Variants in CHD1L observed in about 807,000 individuals in gnomAD.
CHD1L encodes the protein ATP-dependent chromatin remodeler CHD1L.
CHD1L carries 118 observed loss-of-function variants against 115.9 expected under a neutral mutation model. The ratio of observed to expected loss-of-function variants is 1.02; its 90% confidence interval spans 0.88 to 1.19. The LOEUF (loss-of-function observed/expected upper bound fraction) is 1.19, where lower values mean the gene tolerates loss of function less well. CHD1L is among the 50% of genes most tolerant of loss of function. CHD1L has a pLI of 0.00. For missense variants in CHD1L, 1,179 were observed against 1,065.3 expected (o/e 1.11, Z -1.49); for synonymous variants, 411 against 387.1 (o/e 1.06, Z -0.72).
chr1:147,243,091 T>A, intron 1 of CHD1L: 1 of 314,510 alleles, frequency 3.2e-6, no homozygotes, highest in Non-Finnish European at 5.7e-6. Context: ...CCCTGGCCTG[T>A]GGAGGGGAAA....
At chr1:147,241,486 C>A (rs587661232), upstream of CHD1L, among the ~76,000 whole-genome samples, 1 of 152,284 alleles carries the variant, frequency 6.6e-6, no homozygotes, top group South Asian at 2.1e-4. Context: ...CCACCCCTAT[C>A]TCCCTTCGCT....
At chr1:147,240,307 T>C (rs1664738415), upstream of CHD1L, among the ~76,000 whole-genome samples, 1 of 152,224 alleles carries the variant, frequency 6.6e-6, no homozygotes, top group African/African-American at 2.4e-5. Context: ...CAGGATGTGC[T>C]TTGTTAAACA....
At chr1:147,225,266 T>A in the CHD1L span, 1 of 1,116,298 alleles carries the variant, frequency 9.0e-7, no homozygotes, top group Non-Finnish European at 1.2e-6. Context: ...GAGAGTGCTC[T>A]GCTGCGGTAC....
the CHD1L span, among the ~76,000 whole-genome samples, chr1:147,183,221 T>G: frequency 2.6e-5 from 4 of 152,222 alleles, no homozygotes; most frequent in African/African-American, 9.6e-5. Flanking sequence ...ACATACTGAT[T>G]CAGATCAATG....
intron 8 of CHD1L, 151 bp from the exon 9 acceptor site, chr1:147,267,275 C>T (rs1674295691): frequency 1.9e-6 from 1 of 516,472 alleles, no homozygotes; most frequent in Non-Finnish European, 3.4e-6. Flanking sequence ...TGTTAATTCT[C>T]AATACAATTC....
At chr1:147,228,184 AGTGTGT>A in the CHD1L span, among the ~76,000 whole-genome samples, 1 of 97,096 alleles carries the variant, frequency 1.0e-5, no homozygotes, top group Non-Finnish European at 2.1e-5. Context: ...AACAGGCCCC[AGTGTGT>A]CATGTTCCCC....
intron 1 of CHD1L, among the ~76,000 whole-genome samples, chr1:147,245,310 C>T (rs59402704): frequency 0.017 from 2,618 of 152,248 alleles, 78 homozygotes; most frequent in African/African-American, 0.06. Flanking sequence ...TTGGATTTTC[C>T]GCTTCCCACT....
chr1:147,272,417 A>G, intron 12 of CHD1L, 136 bp downstream of exon 12: 1 of 622,590 alleles, frequency 1.6e-6, no homozygotes, highest in Non-Finnish European at 2.8e-6. Flanking sequence ...AAGGTACTGG[A>G]CATCAAGCAT....
At chr1:147,284,956 C>G (rs1242985492) in intron 16 of CHD1L, among the ~76,000 whole-genome samples, 9 of 152,170 alleles carry the variant, frequency 5.9e-5, no homozygotes, top group African/African-American at 2.2e-4. Context: ...TTACATAATA[C>G]ATTGCAGAAA....
At chr1:147,276,522 G>A (rs1470370464) in intron 14 of CHD1L, among the ~76,000 whole-genome samples, 2 of 152,150 alleles carry the variant, frequency 1.3e-5, no homozygotes, top group Admixed American at 1.3e-4. Context: ...TAAAAATAAA[G>A]ACACCACAGG....
chr1:147,284,909 A>G (rs1433625782), intron 16 of CHD1L, among the ~76,000 whole-genome samples: 2 of 152,252 alleles, frequency 1.3e-5, no homozygotes, highest in African/African-American at 4.8e-5. Context: ...AGCTATCACT[A>G]AGATAATCAT....
intron 6 of CHD1L, chr1:147,260,749 T>C (rs1671648903): frequency 6.6e-6 from 1 of 152,222 alleles, no homozygotes; most frequent in African/African-American, 2.4e-5. Flanking sequence ...TTGTCTTGTC[T>C]TTGTCCTACT....
At chr1:147,179,686 T>G in the CHD1L span, 30,176 of 920,022 alleles carry the variant, frequency 0.033, 800 homozygotes, top group South Asian at 0.09. Context: ...GGAAAACCAC[T>G]GGGGAGGACT....
At chr1:147,288,347 GA>G (rs1304714956) in intron 19 of CHD1L, among the ~76,000 whole-genome samples, 1 of 122,414 alleles carries the variant, frequency 8.2e-6, no homozygotes, top group South Asian at 2.5e-4. Context: ...AAAAAAAAAA[GA>G]AAAAGAGAAC....
At chr1:147,254,219 C>A (rs1173167393) in intron 2 of CHD1L, among the ~76,000 whole-genome samples, 1 of 152,162 alleles carries the variant, frequency 6.6e-6, no homozygotes, top group Non-Finnish European at 1.5e-5. Context: ...CCATTTTATA[C>A]CCTTCCTTAA....
chr1:147,213,216 A>G, the CHD1L span: 12 of 1,033,388 alleles, frequency 1.2e-5, no homozygotes, highest in Admixed American at 1.4e-4. Flanking sequence ...TTCATTCCAA[A>G]GTAGGAATTA....
At chr1:147,274,247 G>C (rs587717171) in intron 12 of CHD1L, among the ~76,000 whole-genome samples, 1 of 152,124 alleles carries the variant, frequency 6.6e-6, no homozygotes, top group Non-Finnish European at 1.5e-5. Context: ...TGTTGTGAGG[G>C]TTAAAGGAGT....
At chr1:147,255,276 G>A (rs1022454125) in intron 3 of CHD1L, among the ~76,000 whole-genome samples, 5 of 152,208 alleles carry the variant, frequency 3.3e-5, no homozygotes, top group African/African-American at 1.2e-4. Context: ...TGCCCAGGCT[G>A]AAGTGCAATG....
At chr1:147,231,518 T>G in the CHD1L span, among the ~76,000 whole-genome samples, 1 of 152,202 alleles carries the variant, frequency 6.6e-6, no homozygotes, top group Admixed American at 6.5e-5. Context: ...AGATGTGTAT[T>G]AAGTCCACCT....
Sources: gnomAD v4.1 joint callset for allele counts (sites outside exome capture counted in the v4.1 genomes callset) on GRCh38, gnomAD v4.1.1 for gene constraint, MANE v1.5 for transcripts, NCBI Gene and HGNC (gene_info 2026-07-23, HGNC 2026-07-21) for gene names.